The following IMMP2L variants were observed in gnomAD, a reference collection of about 807,000 sequenced individuals.
The protein encoded by IMMP2L is mitochondrial inner membrane protease subunit 2.
Under a neutral mutation model 19.3 loss-of-function variants are expected in IMMP2L, and 18 were observed. The ratio of observed to expected loss-of-function variants is 0.93; its 90% CI spans 0.64 to 1.38. The LOEUF (loss-of-function observed/expected upper bound fraction) is 1.38, where lower values mean the gene tolerates loss of function less well. IMMP2L is among the 40% of genes most tolerant of loss of function. The probability of loss-of-function intolerance (pLI) is 0.00; values close to 1 mark genes in which losing one functional copy is unlikely to be tolerated. For synonymous variants in IMMP2L, 76 were observed against 73.0 expected (o/e 1.04, Z -0.21); for missense variants, 233 against 218.2 (o/e 1.07, Z -0.43).
intron 4 of IMMP2L, among the ~76,000 whole-genome samples, chr7:110,936,904 T>C (rs184603925): frequency 3.3e-5 from 5 of 152,248 alleles, no homozygotes; most frequent in African/African-American, 1.2e-4. Context: ...TGCAGGGACA[T>C]GGATGAAGCT....
chr7:110,686,324 G>A (rs1056501212), intron 5 of IMMP2L, among the ~76,000 whole-genome samples: 3 of 151,808 alleles, frequency 2.0e-5, no homozygotes. Flanking sequence ...CTTGAGGTTT[G>A]TCTCCTCTGT....
chr7:111,124,502 T>C (rs752737591), intron 3 of IMMP2L: 1 of 1,613,894 alleles, frequency 6.2e-7, no homozygotes, highest in South Asian at 1.1e-5. Flanking sequence ...GATGTCAAGG[T>C]ATATAATCTT....
At chr7:110,682,661 A>G (rs1333052030) in intron 5 of IMMP2L, among the ~76,000 whole-genome samples, 5 of 152,116 alleles carry the variant, frequency 3.3e-5, no homozygotes, top group African/African-American at 1.2e-4. Flanking sequence ...ATGGGAAATG[A>G]TGAATTCAGT....
intron 3 of IMMP2L, among the ~76,000 whole-genome samples, chr7:111,402,541 T>A (rs1303939393): frequency 2.0e-5 from 3 of 151,846 alleles, no homozygotes; most frequent in Non-Finnish European, 2.9e-5. Context: ...TGAAACCCCG[T>A]CTCTAATAAA....
chr7:110,720,142 G>C (rs1478207144), intron 5 of IMMP2L, among the ~76,000 whole-genome samples: 2 of 152,108 alleles, frequency 1.3e-5, no homozygotes, highest in Non-Finnish European at 2.9e-5. Flanking sequence ...ACTTACAGGA[G>C]AATCACTGTA....
chr7:110,823,715 T>A (rs555771129), intron 5 of IMMP2L, among the ~76,000 whole-genome samples: 3 of 152,176 alleles, frequency 2.0e-5, no homozygotes, highest in Admixed American at 2.0e-4. Flanking sequence ...CAACATACTT[T>A]GAGAGCAAAA....
intron 3 of IMMP2L, among the ~76,000 whole-genome samples, chr7:111,358,330 C>T (rs915166434): frequency 6.6e-6 from 1 of 151,492 alleles, no homozygotes; most frequent in Admixed American, 6.6e-5. Context: ...ACTTAGGCAA[C>T]CCCGAAACGT....
intron 1 of IMMP2L, among the ~76,000 whole-genome samples, chr7:111,559,678 T>G (rs1563359480): frequency 6.6e-6 from 1 of 152,100 alleles, no homozygotes; most frequent in Non-Finnish European, 1.5e-5. Flanking sequence ...AGGAAGATCA[T>G]AGGAAAGTAA....
At chr7:111,190,381 T>C (rs1292537215) in intron 3 of IMMP2L, among the ~76,000 whole-genome samples, 1 of 152,064 alleles carries the variant, frequency 6.6e-6, no homozygotes, top group Non-Finnish European at 1.5e-5. Context: ...TAAATGTATA[T>C]TACAGAGCTT....
intron 3 of IMMP2L, among the ~76,000 whole-genome samples, chr7:111,318,721 C>T (rs1244191135): frequency 6.6e-6 from 1 of 151,954 alleles, no homozygotes; most frequent in Non-Finnish European, 1.5e-5. Context: ...ATAACTATAC[C>T]ATAATGAAGA....
chr7:111,242,197 A>C (rs1586995152), intron 3 of IMMP2L, among the ~76,000 whole-genome samples: 1 of 152,228 alleles, frequency 6.6e-6, no homozygotes, highest in East Asian at 1.9e-4. Flanking sequence ...ACAAAGCAGA[A>C]CAAGGACAGG....
At chr7:110,980,678 A>C (rs1360188271) in intron 3 of IMMP2L, among the ~76,000 whole-genome samples, 1 of 152,216 alleles carries the variant, frequency 6.6e-6, no homozygotes, top group African/African-American at 2.4e-5. Flanking sequence ...AGAGAAATCA[A>C]CCATTTTTTA....
At chr7:111,114,344 CACATA>C (rs1799592926) in intron 3 of IMMP2L, among the ~76,000 whole-genome samples, 1 of 152,070 alleles carries the variant, frequency 6.6e-6, no homozygotes, top group African/African-American at 2.4e-5. Flanking sequence ...GTTTGACAGA[CACATA>C]AAACGTGAAT....
intron 3 of IMMP2L, among the ~76,000 whole-genome samples, chr7:111,033,201 A>AAT (rs1168606469): frequency 6.6e-6 from 1 of 152,236 alleles, no homozygotes; most frequent in Non-Finnish European, 1.5e-5. Context: ...ATCTAAAATG[A>AAT]ATACATATGA....
chr7:111,403,033 C>T (rs971837252), intron 3 of IMMP2L, among the ~76,000 whole-genome samples: 2 of 142,548 alleles, frequency 1.4e-5, no homozygotes, highest in Admixed American at 7.0e-5. Flanking sequence ...ATCCTCCCAC[C>T]TCAGCCTCCC....
At chr7:110,730,294 A>T (rs1009038051) in intron 5 of IMMP2L, among the ~76,000 whole-genome samples, 8 of 152,156 alleles carry the variant, frequency 5.3e-5, no homozygotes, top group African/African-American at 1.9e-4. Flanking sequence ...TAAAGCAGGC[A>T]GAAGACAATG....
chr7:111,134,317 A>G (rs1305193217), intron 3 of IMMP2L, among the ~76,000 whole-genome samples: 1 of 152,004 alleles, frequency 6.6e-6, no homozygotes, highest in Non-Finnish European at 1.5e-5. Flanking sequence ...CTTCTCTATT[A>G]TGTTTCCAAT....
At chr7:111,531,704 A>C in intron 1 of IMMP2L, among the ~76,000 whole-genome samples, 1 of 152,166 alleles carries the variant, frequency 6.6e-6, no homozygotes, top group South Asian at 2.1e-4. Flanking sequence ...TGCTATCATT[A>C]AGTAGAAGCT....
chr7:111,489,374 T>C (rs758621087), intron 2 of IMMP2L, among the ~76,000 whole-genome samples: 1 of 152,048 alleles, frequency 6.6e-6, no homozygotes, highest in Non-Finnish European at 1.5e-5. Flanking sequence ...TTGTCCTTTC[T>C]TGCTGATTTG....
Sources: gnomAD v4.1 joint callset for allele counts (sites outside exome capture counted in the v4.1 genomes callset) on GRCh38, gnomAD v4.1.1 for gene constraint, MANE v1.5 for transcripts, NCBI Gene and HGNC (gene_info 2026-07-23, HGNC 2026-07-21) for gene names.